The following AFAP1L2 variants were observed in gnomAD, a reference collection of about 807,000 sequenced individuals.
AFAP1L2 encodes actin filament-associated protein 1-like 2.
Under a neutral mutation model 99.3 loss-of-function variants are expected in AFAP1L2, and 46 were observed. The ratio of observed to expected loss-of-function variants is 0.46; its 90% CI spans 0.37 to 0.59. AFAP1L2 has a LOEUF of 0.59. Ranked by LOEUF, AFAP1L2 falls within the 20% of genes least tolerant of loss-of-function variation. The pLI is 0.00. For synonymous variants in AFAP1L2, 397 were observed against 419.1 expected (o/e 0.95, Z 0.64); for missense variants, 959 against 1,034.9 (o/e 0.93, Z 1.01).
At chr10:114,339,383 C>T (rs1419941086) in intron 2 of AFAP1L2, among the ~76,000 whole-genome samples, 1 of 152,104 alleles carries the variant, frequency 6.6e-6, no homozygotes, top group Non-Finnish European at 1.5e-5. Context: ...GAAGGCGGAG[C>T]TTACAGTGAG....
Position 114,304,767 on chromosome 10 carries a change from G to A in AFAP1L2, c.1236C>T (p.Leu412=). ...EVVPDPSPDH[L]YSFRILHKGE... is the part of the protein sequence containing the mutation. The stretch of plus-strand genomic sequence containing the variant: ...CCTTGTGGAGGATGCGGAAGGAGTA[G>A]AGGTGGTCGGGGCTGGGGTCTGGGA... The change falls in exon 11 of 19, where the codon CTC becomes CTT. Residue 412 remains leucine (L), a synonymous_variant. Transcript: ENST00000304129. 1 of 1,612,850 alleles carries A rather than the reference G, an allele frequency of 6.2e-7. No individual in the cohort carries two copies. Among genetic ancestry groups the A allele is most frequent in the Non-Finnish European group, 8.5e-7 (1 of 1,180,004 alleles).
intron 1 of AFAP1L2, among the ~76,000 whole-genome samples, chr10:114,401,315 C>T (rs542360921): frequency 2.0e-5 from 3 of 152,240 alleles, no homozygotes; most frequent in African/African-American, 7.2e-5. Context: ...CACATTTGGC[C>T]CAGACCCACT....
intron 11 of AFAP1L2, among the ~76,000 whole-genome samples, chr10:114,303,967 T>G (rs1375924944): frequency 1.3e-5 from 2 of 152,214 alleles, no homozygotes; most frequent in Non-Finnish European, 2.9e-5. Context: ...CAAACTAGGA[T>G]GTAAGTGCCA....
chr10:114,314,464 A>C (rs1490182478), intron 6 of AFAP1L2, among the ~76,000 whole-genome samples: 1 of 152,220 alleles, frequency 6.6e-6, no homozygotes. Context: ...TCCATAAGGC[A>C]CAAAAACTAA....
Position 114,310,397 on chromosome 10 carries a change from C to G in AFAP1L2, c.839G>C (p.Gly280Ala), listed in dbSNP as rs745740562. The G allele has an allele frequency of 6.2e-7, 1 of 1,614,050 alleles. No individual in the cohort carries two copies. The highest frequency in any genetic ancestry group is 8.5e-7 in the Non-Finnish European group (1 of 1,179,976). ...CTGGGCATCCGGGGTGTACTGGTTT[C>G]CTTCAGATGCTCCTTCGGAAGGCAG... ...SGLPSEGASE[G>A]NQYTPDAQRF... Residue 280 changes from glycine to alanine, a missense_variant, in exon 8 of 19, where the codon GGA becomes GCA. Transcript: ENST00000304129.
chr10:114,382,729 G>T (rs1013115816), intron 1 of AFAP1L2, among the ~76,000 whole-genome samples: 3 of 151,492 alleles, frequency 2.0e-5, no homozygotes, highest in Non-Finnish European at 2.9e-5. Flanking sequence ...CCTAGTAGCT[G>T]GGATTACAGG....
At chr10:114,297,478 G>T in intron 16 of AFAP1L2, 65 bp from the exon 17 acceptor site, 1 of 1,527,146 alleles carries the variant, frequency 6.5e-7, no homozygotes, top group Non-Finnish European at 8.9e-7. Flanking sequence ...AGCCCTGCTG[G>T]GTGGAGGCAG....
chr10:114,324,591 T>C (rs2045955099), intron 4 of AFAP1L2, among the ~76,000 whole-genome samples: 1 of 152,238 alleles, frequency 6.6e-6, no homozygotes, highest in Admixed American at 6.5e-5. Flanking sequence ...ATATGCATAA[T>C]GAGTTCACAA....
chr10:114,362,383 G>A (rs2052561559), intron 1 of AFAP1L2, among the ~76,000 whole-genome samples: 1 of 152,134 alleles, frequency 6.6e-6, no homozygotes, highest in Non-Finnish European at 1.5e-5. Context: ...CTGGGTTTAG[G>A]GAGGGCTCTG....
chr10:114,357,765 T>C (rs1256453337), intron 1 of AFAP1L2, among the ~76,000 whole-genome samples: 1 of 152,370 alleles, frequency 6.6e-6, no homozygotes, highest in East Asian at 1.9e-4. Context: ...AATAGGGTGC[T>C]ACTAAAAGGA....
At chr10:114,369,084 T>A (rs2053717170) in intron 1 of AFAP1L2, among the ~76,000 whole-genome samples, 1 of 152,162 alleles carries the variant, frequency 6.6e-6, no homozygotes, top group South Asian at 2.1e-4. Context: ...ATTATGAGAT[T>A]TTTTTGGGGC....
intron 4 of AFAP1L2, 47 bp from the exon 5 acceptor site, chr10:114,323,308 G>A (rs1188505950): frequency 2.0e-6 from 3 of 1,502,546 alleles, no homozygotes; most frequent in Admixed American, 2.0e-5. Flanking sequence ...ATGGTACACT[G>A]GGAGCAACTT....
chr10:114,404,261 A>C (rs2058514205), intron 1 of AFAP1L2, among the ~76,000 whole-genome samples, 179 bp downstream of exon 1: 2 of 152,032 alleles, frequency 1.3e-5, no homozygotes, highest in African/African-American at 4.8e-5. Flanking sequence ...GCCACCTAGG[A>C]GCCCACCCGC....
At chr10:114,282,536 C>T in the AFAP1L2 span, 4 of 1,614,080 alleles carry the variant, frequency 2.5e-6, no homozygotes, top group Admixed American at 3.3e-5. Flanking sequence ...GTGTTCCTAA[C>T]CCACCCTGCC....
chr10:114,398,904 G>A (rs1370911324), intron 1 of AFAP1L2: 1 of 1,304,350 alleles, frequency 7.7e-7, no homozygotes, highest in Non-Finnish European at 1.0e-6. Flanking sequence ...ACACCCCTGT[G>A]CTGGAATAGA....
intron 16 of AFAP1L2, 42 bp downstream of exon 16, chr10:114,299,217 GC>G (rs1325500659): frequency 6.2e-7 from 1 of 1,609,552 alleles, no homozygotes; most frequent in South Asian, 1.1e-5. Context: ...AGCCTACACG[GC>G]CCTCTGAGCT....
intron 10 of AFAP1L2, 47 bp from the exon 11 acceptor site, chr10:114,304,977 G>C (rs2041880429): frequency 6.6e-7 from 1 of 1,521,116 alleles, no homozygotes. Flanking sequence ...CTGCAGGAGG[G>C]GACGCAGATG....
At position 114,315,642 on chromosome 10, in the gene AFAP1L2, C is replaced by T. The variant is rs147328544; in HGVS notation, c.530G>A (p.Arg177His). ...EAGIELMRDA[R>H]ICAFLWRKKW... ...CTTGCGCCACAGGAAGGCGCAGATGCGGGCGTCACGCATCAGCTCGATGCC... is the reference window on the plus strand; with the variant it reads ...CTTGCGCCACAGGAAGGCGCAGATGTGGGCGTCACGCATCAGCTCGATGCC... The change falls in exon 6 of 19, where the codon CGC becomes CAC. Residue 177 changes from arginine (R) to histidine (H), a missense_variant. Physicochemically the swap from Arg to His is conservative, Grantham distance 29. Coordinates refer to ENST00000304129, the MANE Select transcript of AFAP1L2 (RefSeq NM_001001936.3). 18 of 1,613,874 alleles carry T rather than the reference C, an allele frequency of 1.1e-5. No homozygotes were observed. Among genetic ancestry groups the T allele is most frequent in the African/African-American group, 2.7e-5 (2 of 74,940 alleles).
the AFAP1L2 span, chr10:114,281,735 G>A: frequency 2.0e-6 from 2 of 985,312 alleles, no homozygotes; most frequent in African/African-American, 3.5e-5. Context: ...GAGGCCTGGA[G>A]CCTTGCTCCT....
Sources: gnomAD v4.1 joint callset for allele counts (sites outside exome capture counted in the v4.1 genomes callset) on GRCh38, gnomAD v4.1.1 for gene constraint, MANE v1.5 for transcripts, NCBI Gene and HGNC (gene_info 2026-07-23, HGNC 2026-07-21) for gene names.